Variants in DCLK1 observed in about 807,000 individuals in gnomAD.
DCLK1 encodes the protein doublecortin like kinase 1.
In DCLK1, 16 loss-of-function variants were observed where a neutral mutation model predicts 86.2. The observed-to-expected ratio is 0.19, with a 90% CI of 0.13 to 0.28. The LOEUF (loss-of-function observed/expected upper bound fraction) is 0.28. DCLK1 is among the 10% of genes least tolerant of loss of function. The probability of loss-of-function intolerance (pLI) is 1.00; values close to 1 mark genes in which losing one functional copy is unlikely to be tolerated. For missense variants in DCLK1, 590 were observed against 940.2 expected (o/e 0.63, Z 4.87); for synonymous variants, 369 against 370.5 (o/e 1.00, Z 0.05).
chr13:36,017,086 A>AC (rs1881564755), intron 3 of DCLK1, among the ~76,000 whole-genome samples: 1 of 152,236 alleles, frequency 6.6e-6, no homozygotes, highest in South Asian at 2.1e-4. Flanking sequence ...TGATAAAATA[A>AC]CACATGAATC....
intron 3 of DCLK1, among the ~76,000 whole-genome samples, chr13:35,968,016 T>C (rs1193811956): frequency 2.0e-5 from 3 of 150,810 alleles, no homozygotes. Context: ...CAAGACTCCG[T>C]CTCAAAAATA....
chr13:35,988,848 G>A (rs2153143275), intron 3 of DCLK1, among the ~76,000 whole-genome samples: 1 of 152,268 alleles, frequency 6.6e-6, no homozygotes, highest in East Asian at 1.9e-4. Context: ...TTCATTTGCA[G>A]TAAGGAAATG....
At chr13:36,047,418 G>A (rs1882955305) in intron 3 of DCLK1, among the ~76,000 whole-genome samples, 1 of 152,142 alleles carries the variant, frequency 6.6e-6, no homozygotes, top group African/African-American at 2.4e-5. Context: ...AGGTATGGAA[G>A]CAATCTAAGT....
At chr13:35,982,857 G>A (rs1389501385) in intron 3 of DCLK1, among the ~76,000 whole-genome samples, 1 of 151,760 alleles carries the variant, frequency 6.6e-6, no homozygotes, top group African/African-American at 2.4e-5. Flanking sequence ...TACCTCCTGG[G>A]TTCAAGCCAT....
chr13:36,024,042 C>G (rs936788133), intron 3 of DCLK1, among the ~76,000 whole-genome samples: 9 of 151,634 alleles, frequency 5.9e-5, no homozygotes, highest in African/African-American at 2.2e-4. Context: ...ATTACAGGCA[C>G]CCACTATCAC....
intron 4 of DCLK1, among the ~76,000 whole-genome samples, chr13:35,921,902 C>T (rs1357921837): frequency 6.6e-6 from 1 of 152,166 alleles, no homozygotes; most frequent in Non-Finnish European, 1.5e-5. Context: ...GTCAATGACA[C>T]AGCTGGATGT....
chr13:35,843,591 G>C (rs1869972987), intron 6 of DCLK1, among the ~76,000 whole-genome samples: 1 of 152,122 alleles, frequency 6.6e-6, no homozygotes, highest in African/African-American at 2.4e-5. Flanking sequence ...TATTAATGTT[G>C]TCACTCAGCT....
At chr13:35,793,289 A>C in intron 16 of DCLK1, 77 bp downstream of exon 16, 1 of 1,151,086 alleles carries the variant, frequency 8.7e-7, no homozygotes, top group Non-Finnish European at 1.2e-6. Context: ...CTCTGACTGG[A>C]GAATCTCCTG....
At chr13:35,790,875 TAGTC>T (rs1433373731) in intron 16 of DCLK1, among the ~76,000 whole-genome samples, 3 of 152,200 alleles carry the variant, frequency 2.0e-5, no homozygotes, top group Non-Finnish European at 4.4e-5. Context: ...AGTCCCCTGA[TAGTC>T]AGCCTTTGCA....
chr13:36,052,393 G>A (rs1883154648), intron 3 of DCLK1, among the ~76,000 whole-genome samples: 1 of 152,140 alleles, frequency 6.6e-6, no homozygotes, highest in Admixed American at 6.5e-5. Flanking sequence ...GATATCATGT[G>A]AGAAAGAAAG....
intron 14 of DCLK1, among the ~76,000 whole-genome samples, chr13:35,807,487 G>C (rs922869553): frequency 6.6e-6 from 1 of 152,166 alleles, no homozygotes; most frequent in Admixed American, 6.5e-5. Flanking sequence ...TTGAGGTTGA[G>C]TTTTCTTCCT....
chr13:36,021,606 A>G (rs920845126), intron 3 of DCLK1, among the ~76,000 whole-genome samples: 14 of 152,150 alleles, frequency 9.2e-5, no homozygotes, highest in African/African-American at 3.1e-4. Flanking sequence ...CTATGCTAAC[A>G]TCAGACAAAA....
intron 3 of DCLK1, among the ~76,000 whole-genome samples, chr13:36,038,005 G>A (rs1305435416): frequency 6.6e-6 from 1 of 152,134 alleles, no homozygotes; most frequent in Non-Finnish European, 1.5e-5. Context: ...GTAATAAAAG[G>A]AAGACTTTGT....
intron 4 of DCLK1, among the ~76,000 whole-genome samples, chr13:35,915,428 T>C (rs550821547): frequency 1.3e-5 from 2 of 152,278 alleles, no homozygotes; most frequent in Admixed American, 1.3e-4. Flanking sequence ...AGGCTGGGTG[T>C]GGTGGCACAC....
At chr13:36,123,973 G>C (rs891310043) in intron 2 of DCLK1, among the ~76,000 whole-genome samples, 1 of 152,076 alleles carries the variant, frequency 6.6e-6, no homozygotes, top group East Asian at 1.9e-4. Context: ...GAGTATCTTC[G>C]GCCACTTCTA....
intron 6 of DCLK1, chr13:35,846,832 T>G (rs1566564414): frequency 1.0e-6 from 1 of 982,244 alleles, no homozygotes; most frequent in African/African-American, 1.7e-5. Context: ...GTGTATATAT[T>G]TATGTAGATA....
chr13:35,867,953 G>GAAAGAAAGAAAGAAAGAAAGAAAGAAAT (rs1319556990), intron 5 of DCLK1, among the ~76,000 whole-genome samples: 1 of 145,584 alleles, frequency 6.9e-6, no homozygotes, highest in Non-Finnish European at 1.5e-5. Flanking sequence ...AAGAAAGAAA[G>GAAAGAAAGAAAGAAAGAAAGAAAGAAAT]AAAGAAAGAA....
intron 14 of DCLK1, among the ~76,000 whole-genome samples, chr13:35,806,355 T>C (rs759596130): frequency 1.3e-5 from 2 of 152,060 alleles, no homozygotes; most frequent in African/African-American, 2.4e-5. Context: ...GCTTGAAAAA[T>C]TTCCAGACAA....
rs550898921 is a variant in DCLK1, at chr13:35,781,726, A to C, written c.2059-7027T>G. 2.0e-5 allele frequency among the ~76,000 whole-genome samples: 3 copies of C among 152,292 alleles called. No homozygotes were observed. In the South Asian group the frequency reaches 6.2e-4, roughly 32 times the overall value. ...TATTGTGCATTTTGCCTTTTAGCCC[A>C]TCCATTATTCATGCTACCTAGGAGA... is the stretch of plus-strand genomic sequence containing the variant. On this transcript the variant is annotated intron_variant, in intron 16 of 16. Coordinates refer to ENST00000360631, the MANE Select transcript of DCLK1 (RefSeq NM_001330071.2).
Sources: allele counts gnomAD v4.1 joint callset (sites outside exome capture counted in the v4.1 genomes callset), GRCh38; gene constraint gnomAD v4.1.1; transcripts MANE v1.5; gene names NCBI Gene and HGNC (gene_info 2026-07-23, HGNC 2026-07-21).